Variants in MTHFS observed in about 807,000 individuals in gnomAD.
MTHFS encodes the protein methenyltetrahydrofolate synthetase.
A neutral mutation model predicts 12.7 loss-of-function variants in MTHFS; 7 were observed. That is an observed-to-expected ratio of 0.55 (90% confidence interval 0.31 to 1.03). MTHFS has a LOEUF of 1.03. Ranked by LOEUF, MTHFS falls within the 50% of genes least tolerant of loss-of-function variation. The pLI is 0.05. For synonymous variants in MTHFS, 100 were observed against 97.1 expected (o/e 1.03, Z -0.18); for missense variants, 252 against 258.1 (o/e 0.98, Z 0.16).
At chr15:79,856,937 A>G (rs1375730147) in intron 2 of MTHFS, among the ~76,000 whole-genome samples, 3 of 151,884 alleles carry the variant, frequency 2.0e-5, no homozygotes, top group Non-Finnish European at 2.9e-5. Flanking sequence ...CAGAAATACA[A>G]CGGTGTTTTG....
chr15:79,872,633 T>C (rs754307818), intron 2 of MTHFS, among the ~76,000 whole-genome samples: 2 of 152,168 alleles, frequency 1.3e-5, no homozygotes, highest in Non-Finnish European at 2.9e-5. Flanking sequence ...TCAATGCAAA[T>C]TGAGGTTATT....
At chr15:79,896,487 C>G (rs1278797441) in intron 1 of MTHFS, among the ~76,000 whole-genome samples, 5 of 152,356 alleles carry the variant, frequency 3.3e-5, no homozygotes, top group South Asian at 4.1e-4. Flanking sequence ...CTCAGGTGTT[C>G]ACCCATCTCC....
At chr15:79,864,868 T>G (rs1313555934) in intron 2 of MTHFS, among the ~76,000 whole-genome samples, 1 of 152,210 alleles carries the variant, frequency 6.6e-6, no homozygotes, top group Non-Finnish European at 1.5e-5. Flanking sequence ...AATTCTGATT[T>G]CTTTTTGGCC....
chr15:79,896,942 T>A lies in MTHFS; in HGVS notation c.47A>T (p.Glu16Val), dbSNP rs1162185842. The change falls in exon 1 of 3, where the codon GAG becomes GTG. Residue 16 changes from glutamate to valine, a missense_variant. Transcript: ENST00000258874. ...CATCGCCCGCAGACGCTGCTTCAGC[T>A]CTCCCCGCAGGCTCCGCTTGGCGCT... ...VSSAKRSLRG[E>V]LKQRLRAMSA... The A allele has an allele frequency of 6.5e-7, 1 of 1,538,856 alleles. No individual in the cohort carries two copies. Among genetic ancestry groups the A allele is most frequent in the Admixed American group, 2.0e-5 (1 of 50,916 alleles).
intron 2 of MTHFS, among the ~76,000 whole-genome samples, chr15:79,882,219 T>A (rs1182061629): frequency 1.3e-5 from 2 of 152,244 alleles, no homozygotes; most frequent in Non-Finnish European, 2.9e-5. Context: ...TCATACCATG[T>A]AGGATCTTAT....
At chr15:79,870,041 T>A (rs146368717) in intron 2 of MTHFS, among the ~76,000 whole-genome samples, 1 of 152,176 alleles carries the variant, frequency 6.6e-6, no homozygotes, top group East Asian at 1.9e-4. Context: ...ATGAAAGAGA[T>A]GACTAAATAC....
chr15:79,890,407 T>C (rs2034454714), intron 1 of MTHFS, among the ~76,000 whole-genome samples: 1 of 151,892 alleles, frequency 6.6e-6, no homozygotes, highest in South Asian at 2.1e-4. Context: ...TTTCGTATTT[T>C]TTGTGGAGAC....
chr15:79,891,739 G>A (rs1025088271), intron 1 of MTHFS, among the ~76,000 whole-genome samples: 3 of 151,976 alleles, frequency 2.0e-5, no homozygotes, highest in African/African-American at 7.2e-5. Flanking sequence ...AGGTGGAGGC[G>A]GGTAGATCAT....
At chr15:79,890,207 C>CT (rs71150999) in intron 1 of MTHFS, among the ~76,000 whole-genome samples, 1,939 of 100,670 alleles carry the variant, frequency 0.019, 134 homozygotes, top group East Asian at 0.18. Context: ...CTCTTTTTTC[C>CT]TTTTTTTTTT....
At chr15:79,888,279 G>A (rs1354073588) in intron 2 of MTHFS, among the ~76,000 whole-genome samples, 2 of 152,092 alleles carry the variant, frequency 1.3e-5, no homozygotes, top group African/African-American at 4.8e-5. Flanking sequence ...TATGAAGTGG[G>A]GAGTAGAAAG....
chr15:79,856,201 A>G (rs927056372), intron 2 of MTHFS, among the ~76,000 whole-genome samples: 1 of 152,142 alleles, frequency 6.6e-6, no homozygotes, highest in African/African-American at 2.4e-5. Context: ...CTTTTTACCA[A>G]TAGCCATTCT....
intron 2 of MTHFS, among the ~76,000 whole-genome samples, chr15:79,852,085 A>T (rs2033726277): frequency 6.6e-6 from 1 of 152,254 alleles, no homozygotes. Context: ...CTGATTACAG[A>T]GAGACACAGG....
chr15:79,880,625 A>G (rs1379539285), intron 2 of MTHFS, among the ~76,000 whole-genome samples: 1 of 152,068 alleles, frequency 6.6e-6, no homozygotes, highest in Non-Finnish European at 1.5e-5. Context: ...CAAAAAAAAA[A>G]TGTTTGAAGA....
At chr15:79,887,811 A>T (rs1379659822) in intron 2 of MTHFS, among the ~76,000 whole-genome samples, 1 of 152,218 alleles carries the variant, frequency 6.6e-6, no homozygotes, top group Non-Finnish European at 1.5e-5. Context: ...GATGCAGGAC[A>T]TGAAGGAGGT....
chr15:79,861,065 A>G (rs919081271), intron 2 of MTHFS, among the ~76,000 whole-genome samples: 1 of 152,208 alleles, frequency 6.6e-6, no homozygotes, highest in Non-Finnish European at 1.5e-5. Flanking sequence ...CATCGTCGTC[A>G]TCATCATCAT....
chr15:79,870,202 C>G (rs997438350), intron 2 of MTHFS, among the ~76,000 whole-genome samples: 1 of 152,188 alleles, frequency 6.6e-6, no homozygotes, highest in African/African-American at 2.4e-5. Flanking sequence ...CACCACAAGA[C>G]AACAGACTAG....
intron 2 of MTHFS, among the ~76,000 whole-genome samples, chr15:79,873,839 C>T (rs1261266429): frequency 2.6e-5 from 4 of 152,146 alleles, no homozygotes; most frequent in African/African-American, 9.7e-5. Context: ...GCTTTACTTG[C>T]CAAGGTTGTA....
chr15:79,847,835 CA>C (rs1333845753), intron 2 of MTHFS, among the ~76,000 whole-genome samples: 1 of 152,066 alleles, frequency 6.6e-6, no homozygotes, highest in African/African-American at 2.4e-5. Context: ...GTCCAATATC[CA>C]AAAAATAGAA....
intron 1 of MTHFS, among the ~76,000 whole-genome samples, chr15:79,892,821 C>G (rs913541300): frequency 6.6e-6 from 1 of 151,962 alleles, no homozygotes; most frequent in Non-Finnish European, 1.5e-5. Flanking sequence ...CATAGTGGCG[C>G]GCACCTGTAG....
Sources: allele counts gnomAD v4.1 joint callset (sites outside exome capture counted in the v4.1 genomes callset), GRCh38; gene constraint gnomAD v4.1.1; transcripts MANE v1.5; gene names NCBI Gene and HGNC (gene_info 2026-07-23, HGNC 2026-07-21).